Variants in MCEE observed in about 807,000 individuals in gnomAD.
MCEE encodes methylmalonyl-CoA epimerase, mitochondrial.
In MCEE, 6 loss-of-function variants were observed where a neutral mutation model predicts 12.9. The observed-to-expected ratio is 0.47, with a 90% confidence interval of 0.26 to 0.92. The LOEUF (loss-of-function observed/expected upper bound fraction) is 0.92, where lower values mean the gene tolerates loss of function less well. Ranked by LOEUF, MCEE falls within the 40% of genes least tolerant of loss-of-function variation. MCEE has a pLI of 0.16. For synonymous variants in MCEE, 78 were observed against 77.9 expected, an observed-to-expected ratio of 1.00 and a Z score of -0.01; for missense variants, 214 against 212.1, an observed-to-expected ratio of 1.01 and a Z score of -0.05.
chr2:71,112,379 C>A (rs1672903585), intron 2 of MCEE, among the ~76,000 whole-genome samples: 1 of 148,870 alleles, frequency 6.7e-6, no homozygotes, highest in African/African-American at 2.5e-5. Flanking sequence ...TTGTGATGTG[C>A]CCGCCTCTGA....
At chr2:71,128,208 C>T (rs1673279780) in intron 1 of MCEE, among the ~76,000 whole-genome samples, 1 of 152,184 alleles carries the variant, frequency 6.6e-6, no homozygotes, top group Non-Finnish European at 1.5e-5. Flanking sequence ...ATTCTTGTCT[C>T]CCACCTAACA....
intron 2 of MCEE, among the ~76,000 whole-genome samples, chr2:71,111,851 T>G (rs932855696): frequency 2.0e-5 from 3 of 152,186 alleles, no homozygotes; most frequent in African/African-American, 7.2e-5. Context: ...CTCATCTTGT[T>G]TGTTTACCCT....
intron 2 of MCEE, among the ~76,000 whole-genome samples, chr2:71,110,563 T>G (rs1401966621): frequency 6.6e-6 from 1 of 152,128 alleles, no homozygotes; most frequent in Non-Finnish European, 1.5e-5. Flanking sequence ...TATGGCATAA[T>G]AGGTACTTAG....
chr2:71,110,901 C>T (rs911881322), intron 2 of MCEE: 1 of 151,978 alleles, frequency 6.6e-6, no homozygotes, highest in African/African-American at 2.4e-5. Context: ...GGCCACATTC[C>T]TAGGCAGTCA....
At chr2:71,128,725 ACGC>A (rs1415711095) in intron 1 of MCEE, among the ~76,000 whole-genome samples, 17 of 152,150 alleles carry the variant, frequency 1.1e-4, no homozygotes, top group Admixed American at 4.6e-4. Flanking sequence ...AGACGGGCTC[ACGC>A]CTGTAATCCC....
chr2:71,122,135 CTTT>C, intron 2 of MCEE, among the ~76,000 whole-genome samples: 1 of 152,012 alleles, frequency 6.6e-6, no homozygotes, highest in Middle Eastern at 3.4e-3. Context: ...AATGTTAGTT[CTTT>C]TTTTTGAGAC....
intron 1 of MCEE, among the ~76,000 whole-genome samples, chr2:71,126,681 A>G (rs1673240735): frequency 6.6e-6 from 1 of 151,726 alleles, no homozygotes; most frequent in South Asian, 2.1e-4. Flanking sequence ...AAAGAGACAG[A>G]GCTTTATATT....
rs188248022 is a variant in MCEE, at chr2:71,121,089, C to G, written c.378+3117G>C. ...TGGCATCCATTGATGGCCTCCAGTA[C>G]CTTTCTCCTTTTCCTCCTTTTAATT... On this transcript the variant is annotated intron_variant, in intron 2 of 2. Transcript: ENST00000244217. Among the ~76,000 whole-genome samples, 15 of 152,266 alleles carry G rather than the reference C, an allele frequency of 9.9e-5. No homozygotes were observed. In the East Asian group the frequency reaches 2.5e-3, roughly 25 times the overall value.
chr2:71,112,311 A>AT (rs1180750435), intron 2 of MCEE, among the ~76,000 whole-genome samples: 35 of 149,434 alleles, frequency 2.3e-4, no homozygotes, highest in Non-Finnish European at 3.7e-4. Flanking sequence ...TAATTTTTAT[A>AT]TTTTTAGTAG....
intron 1 of MCEE, chr2:71,129,879 C>T (rs1228601102): frequency 5.6e-6 from 3 of 538,272 alleles, no homozygotes; most frequent in African/African-American, 3.8e-5. Context: ...CTGTCCCTGC[C>T]CTGCCTGACC....
In MCEE at chr2:71,124,238, T is replaced by C. The variant is rs1177297011; in HGVS notation, c.346A>G (p.Lys116Glu). 1 of 1,614,054 alleles carries C rather than the reference T, an allele frequency of 6.2e-7. No individual in the cohort carries two copies. The highest frequency in any genetic ancestry group is 8.5e-7 in the Non-Finnish European group (1 of 1,179,896). ...CAGATGTGATGCATTCCTCCAGCCT[T>C]GTTTTTCTGCAGAAAACCTGCAATT... The part of the protein sequence containing the change: ...SPIAGFLQKN[K>E]AGGMHHICIE... Residue 116 changes from lysine to glutamate, a missense_variant, in exon 2 of 3, where the codon AAG (lysine) becomes GAG (glutamate). Transcript: ENST00000244217.
chr2:71,120,212 A>G (rs1673072000), intron 2 of MCEE, among the ~76,000 whole-genome samples: 1 of 150,344 alleles, frequency 6.7e-6, no homozygotes, highest in African/African-American at 2.5e-5. Context: ...AAATTTGAGT[A>G]AGTATTTCTG....
intron 2 of MCEE, chr2:71,117,636 T>C (rs1164614200): frequency 6.6e-6 from 1 of 150,406 alleles, no homozygotes; most frequent in Admixed American, 6.6e-5. Context: ...ATCTATTGTC[T>C]AATCACTCAG....
intron 2 of MCEE, among the ~76,000 whole-genome samples, chr2:71,113,602 T>C (rs1672932815): frequency 6.6e-6 from 1 of 152,032 alleles, no homozygotes; most frequent in South Asian, 2.1e-4. Context: ...TCGGGGTATG[T>C]CAAAGGGACA....
At chr2:71,112,463 T>A (rs1469628804) in intron 2 of MCEE, among the ~76,000 whole-genome samples, 3 of 97,994 alleles carry the variant, frequency 3.1e-5, no homozygotes, top group Admixed American at 1.6e-4. Flanking sequence ...TGAGACAGAG[T>A]CTCACTCTGT....
At chr2:71,118,052 C>A (rs1673028720) in intron 2 of MCEE, among the ~76,000 whole-genome samples, 1 of 150,190 alleles carries the variant, frequency 6.7e-6, no homozygotes, top group East Asian at 1.9e-4. Flanking sequence ...GTCCTCCTTG[C>A]CTTTTGTGGG....
At chr2:71,123,342 T>A (rs1275991395) in intron 2 of MCEE, among the ~76,000 whole-genome samples, 1 of 151,912 alleles carries the variant, frequency 6.6e-6, no homozygotes, top group East Asian at 1.9e-4. Context: ...AAATACACAA[T>A]TAGCCGGGCA....
rs377668979 is a variant in MCEE, at chr2:71,124,091, C to T, written c.378+115G>A. The T allele has an allele frequency of 2.9e-5, 22 of 757,798 alleles. 1 individual carries two copies. Among genetic ancestry groups the T allele is most frequent in the African/African-American group, 1.8e-4 (10 of 56,948 alleles). 46.9% of individuals were successfully genotyped at this position (757,798 alleles called of 1,614,324 possible). A position where few individuals can be genotyped will look rare whatever the true frequency, so the allele number is the denominator to read the frequency against. Reference sequence around the variant, plus strand: ...GAGGAGGATGAATATTATCATTCTCCTTAAAGAACTTTACAAAAGTTTCTA... The same window carrying T: ...GAGGAGGATGAATATTATCATTCTCTTTAAAGAACTTTACAAAAGTTTCTA... On this transcript the variant is annotated intron_variant, in intron 2 of 2. Coordinates refer to ENST00000244217, the MANE Select transcript of MCEE (RefSeq NM_032601.4).
chr2:71,125,989 T>C (rs1442535709), intron 1 of MCEE, among the ~76,000 whole-genome samples: 1 of 151,932 alleles, frequency 6.6e-6, no homozygotes, highest in Non-Finnish European at 1.5e-5. Flanking sequence ...GCTGGAACCA[T>C]AGGCATGAGC....
Sources: allele counts gnomAD v4.1 joint callset (sites outside exome capture counted in the v4.1 genomes callset), GRCh38; gene constraint gnomAD v4.1.1; transcripts MANE v1.5; gene names NCBI Gene and HGNC (gene_info 2026-07-23, HGNC 2026-07-21).